Variants in ZNF804B observed in about 807,000 individuals in gnomAD.
ZNF804B encodes the protein zinc finger protein 804B.
ZNF804B carries 80 observed loss-of-function variants against 101.4 expected under a neutral mutation model. The ratio of observed to expected loss-of-function variants is 0.79; its 90% CI spans 0.66 to 0.95. The LOEUF is 0.95. Among genes scored for constraint, ZNF804B ranks in the 40% least tolerant of loss-of-function variants. The probability of loss-of-function intolerance (pLI) is 0.00; values close to 1 mark genes in which losing one functional copy is unlikely to be tolerated. For missense variants in ZNF804B, 1,673 were observed against 1,561.9 expected (o/e 1.07, Z -1.20); for synonymous variants, 622 against 558.8 (o/e 1.11, Z -1.59).
intron 1 of ZNF804B, among the ~76,000 whole-genome samples, chr7:88,902,356 A>G (rs1227235002): frequency 2.0e-5 from 3 of 151,954 alleles, no homozygotes; most frequent in Non-Finnish European, 4.4e-5. Flanking sequence ...AATACCCTAG[A>G]GCTATTACTT....
In ZNF804B at chr7:89,254,375, C is replaced by T. The variant is rs535742853; in HGVS notation, c.249+36080C>T. On this transcript the variant is annotated intron_variant, in intron 2 of 3. Transcript: ENST00000333190. ...ACAATAACATCAAAAATATGAAATG[C>T]CTAATAATTAAACTACCATAAGATG... Among the ~76,000 whole-genome samples, 316 of 151,426 alleles carry T rather than the reference C, an allele frequency of 2.1e-3. 1 individual carries two copies. Among genetic ancestry groups the T allele is most frequent in the African/African-American group, 7.3e-3 (300 of 41,354 alleles).
intron 1 of ZNF804B, among the ~76,000 whole-genome samples, chr7:89,011,882 A>G (rs35260608): frequency 0.12 from 18,783 of 152,110 alleles, 1,728 homozygotes; most frequent in East Asian, 0.27. Flanking sequence ...CTCTTCGCAC[A>G]GCTCCACTCA....
At chr7:88,830,506 C>G (rs928201466) in intron 1 of ZNF804B, among the ~76,000 whole-genome samples, 10 of 152,046 alleles carry the variant, frequency 6.6e-5, no homozygotes, top group African/African-American at 1.9e-4. Context: ...TTTTTATACT[C>G]AAAATGTTAA....
chr7:88,854,380 G>A (rs1791496857), intron 1 of ZNF804B, among the ~76,000 whole-genome samples: 2 of 126,198 alleles, frequency 1.6e-5, no homozygotes, highest in Non-Finnish European at 3.3e-5. Flanking sequence ...TTTTCTTTCT[G>A]TACTGCATTT....
intron 1 of ZNF804B, among the ~76,000 whole-genome samples, chr7:89,009,526 T>C (rs1231832582): frequency 3.9e-5 from 6 of 152,148 alleles, no homozygotes; most frequent in Non-Finnish European, 2.9e-5. Flanking sequence ...TGTTTATGTG[T>C]CCCCTCAAGT....
At chr7:88,944,443 T>G (rs1793096773) in intron 1 of ZNF804B, among the ~76,000 whole-genome samples, 1 of 151,798 alleles carries the variant, frequency 6.6e-6, no homozygotes, top group Non-Finnish European at 1.5e-5. Flanking sequence ...TTTTAAAATT[T>G]TATAATTATT....
At chr7:89,205,826 A>C (rs891914105) in intron 1 of ZNF804B, among the ~76,000 whole-genome samples, 1 of 152,182 alleles carries the variant, frequency 6.6e-6, no homozygotes, top group African/African-American at 2.4e-5. Flanking sequence ...TCCACTAGGC[A>C]GTTTCCCAGT....
intron 1 of ZNF804B, among the ~76,000 whole-genome samples, chr7:89,198,760 A>G (rs1387281675): frequency 1.3e-5 from 2 of 151,818 alleles, no homozygotes; most frequent in East Asian, 3.9e-4. Context: ...AAACAAGTAC[A>G]GAAAAACAAA....
intron 1 of ZNF804B, among the ~76,000 whole-genome samples, chr7:88,888,589 GA>G (rs1291974687): frequency 2.0e-5 from 3 of 151,160 alleles, no homozygotes; most frequent in Non-Finnish European, 3.0e-5. Context: ...ATCACAAGTA[GA>G]AAAAAAAGAC....
chr7:89,182,319 C>T (rs773039105), intron 1 of ZNF804B, among the ~76,000 whole-genome samples: 22 of 152,242 alleles, frequency 1.4e-4, no homozygotes, highest in Admixed American at 2.6e-4. Context: ...AATCAAAATT[C>T]TGCTAATACA....
chr7:89,255,509 TG>T (rs770055249), intron 2 of ZNF804B, among the ~76,000 whole-genome samples: 1 of 152,154 alleles, frequency 6.6e-6, no homozygotes, highest in Non-Finnish European at 1.5e-5. Flanking sequence ...CTGGTTAGTG[TG>T]GGAAAAGAGA....
chr7:89,329,724 T>A (rs1017615243), intron 3 of ZNF804B, among the ~76,000 whole-genome samples: 1 of 151,688 alleles, frequency 6.6e-6, no homozygotes, highest in South Asian at 2.1e-4. Context: ...TTCTTATGTA[T>A]GTAAGTTTTA....
At chr7:89,083,247 C>T (rs1562879732) in intron 1 of ZNF804B, among the ~76,000 whole-genome samples, 1 of 151,798 alleles carries the variant, frequency 6.6e-6, no homozygotes, top group African/African-American at 2.4e-5. Context: ...TTTACACACA[C>T]ATACCTACAC....
intron 1 of ZNF804B, among the ~76,000 whole-genome samples, chr7:88,963,621 T>C (rs1793418687): frequency 6.6e-6 from 1 of 151,380 alleles, no homozygotes; most frequent in South Asian, 2.1e-4. Context: ...TTGCCTGTTA[T>C]TTCTTTGCTA....
chr7:89,187,443 C>T (rs1194737416), intron 1 of ZNF804B, among the ~76,000 whole-genome samples: 7 of 152,010 alleles, frequency 4.6e-5, no homozygotes. Flanking sequence ...ATGCAGAAAA[C>T]CAAAATAAAG....
In ZNF804B at chr7:88,760,202, C is replaced by G; in HGVS notation, c.108+118C>G. The stretch of plus-strand genomic sequence containing the variant: ...AGGTGGTGGACATCTAAAACGTATA[C>G]CTTATCCATAGGTATGGAGATACAT... On this transcript the variant is annotated intron_variant, in intron 1 of 3. Coordinates refer to ENST00000333190, the MANE Select transcript of ZNF804B (RefSeq NM_181646.5). 3 of 783,662 alleles carry G rather than the reference C, an allele frequency of 3.8e-6. No individual in the cohort carries two copies. The East Asian group carries it at 7.9e-5, about 21-fold the overall frequency. 48.5% of individuals were successfully genotyped at this position (783,662 alleles called of 1,614,324 possible). A position where few individuals can be genotyped will look rare whatever the true frequency, so the allele number is the denominator to read the frequency against.
Position 89,096,836 on chromosome 7 carries a change from T to C in ZNF804B, c.109-121319T>C, listed in dbSNP as rs187030737. ...ATGATAGGCCCTTTCTAGGGAACTATGTCTACACAAAATAAAATAAGGTTA... is the reference window on the plus strand; with the variant it reads ...ATGATAGGCCCTTTCTAGGGAACTACGTCTACACAAAATAAAATAAGGTTA... On this transcript the variant is annotated intron_variant, in intron 1 of 3. Transcript: ENST00000333190. Among the ~76,000 whole-genome samples, 71 of 152,332 alleles carry C rather than the reference T, an allele frequency of 4.7e-4. No individual in the cohort carries two copies. The East Asian group carries it at 0.013, about 29-fold the overall frequency.
At chr7:88,804,000 AG>A (rs1362966862) in intron 1 of ZNF804B, among the ~76,000 whole-genome samples, 2 of 152,156 alleles carry the variant, frequency 1.3e-5, no homozygotes, top group Non-Finnish European at 2.9e-5. Context: ...AGGTCACTGC[AG>A]GAGAAACGTT....
At chr7:89,284,014 A>G (rs902590424) in intron 2 of ZNF804B, among the ~76,000 whole-genome samples, 2 of 152,236 alleles carry the variant, frequency 1.3e-5, no homozygotes, top group African/African-American at 4.8e-5. Context: ...GCCATAAAAT[A>G]TACACAAATC....
Sources: gnomAD v4.1 joint callset for allele counts (sites outside exome capture counted in the v4.1 genomes callset) on GRCh38, gnomAD v4.1.1 for gene constraint, MANE v1.5 for transcripts, NCBI Gene and HGNC (gene_info 2026-07-23, HGNC 2026-07-21) for gene names.